The following NAA60 variants were observed in gnomAD, a reference collection of about 807,000 sequenced individuals.
NAA60 encodes N-alpha-acetyltransferase 60, NatF catalytic subunit, also known as N-alpha-acetyltransferase 60.
Under a neutral mutation model 26.1 loss-of-function variants are expected in NAA60, and 8 were observed. That is an observed-to-expected ratio of 0.31 (90% CI 0.18 to 0.55). NAA60 has a LOEUF of 0.55. Ranked by LOEUF, NAA60 falls within the 20% of genes least tolerant of loss-of-function variation. NAA60 has a pLI of 0.93. For missense variants in NAA60, 290 were observed against 311.3 expected (o/e 0.93, Z 0.51); for synonymous variants, 131 against 122.5 (o/e 1.07, Z -0.46).
At chr16:3,464,264 C>G (rs989867424) in intron 2 of NAA60, among the ~76,000 whole-genome samples, 3 of 152,214 alleles carry the variant, frequency 2.0e-5, no homozygotes, top group Admixed American at 6.5e-5. Context: ...CTGCCTGCCT[C>G]GGCCTCCCAA....
chr16:3,468,581 C>T (rs565981052), intron 2 of NAA60, among the ~76,000 whole-genome samples: 8 of 152,282 alleles, frequency 5.3e-5, no homozygotes, highest in South Asian at 2.1e-4. Context: ...CTCAGGAGCA[C>T]GGAGTTGGGG....
intron 2 of NAA60, among the ~76,000 whole-genome samples, chr16:3,460,937 A>C (rs921506386): frequency 6.6e-6 from 1 of 152,114 alleles, no homozygotes; most frequent in African/African-American, 2.4e-5. Flanking sequence ...ATATGTATGT[A>C]TGTATATATG....
At chr16:3,468,996 G>T (rs891519169) in intron 2 of NAA60, among the ~76,000 whole-genome samples, 1 of 151,190 alleles carries the variant, frequency 6.6e-6, no homozygotes, top group African/African-American at 2.4e-5. Flanking sequence ...TGCGGCGTGA[G>T]AATCGCTTGA....
At chr16:3,450,041 AAAAGAAG>A (rs1567361773) in intron 2 of NAA60, 2 of 397,462 alleles carry the variant, frequency 5.0e-6, no homozygotes, top group African/African-American at 2.1e-5. Context: ...AAAAAAAGAG[AAAAGAAG>A]AAGAAGGAAC....
chr16:3,457,597 A>G (rs1489408267), intron 2 of NAA60, among the ~76,000 whole-genome samples: 1 of 152,192 alleles, frequency 6.6e-6, no homozygotes, highest in African/African-American at 2.4e-5. Context: ...TGGTGCTGCC[A>G]GCTGGCTCCG....
chr16:3,467,327 C>T (rs776459565), intron 2 of NAA60, among the ~76,000 whole-genome samples: 7 of 151,700 alleles, frequency 4.6e-5, no homozygotes, highest in Non-Finnish European at 5.9e-5. Context: ...GAGCTGTGGG[C>T]GGGAAGAGAG....
chr16:3,478,002 T>A, intron 3 of NAA60, among the ~76,000 whole-genome samples: 1 of 151,666 alleles, frequency 6.6e-6, no homozygotes, highest in Non-Finnish European at 1.5e-5. Flanking sequence ...GTGGCAGAAG[T>A]TGCAGTGAGC....
At chr16:3,449,154 C>G (rs1455502656) in intron 2 of NAA60, among the ~76,000 whole-genome samples, 1 of 151,828 alleles carries the variant, frequency 6.6e-6, no homozygotes, top group Non-Finnish European at 1.5e-5. Context: ...GGGTAGATCT[C>G]TGGAGGTCAG....
chr16:3,481,597 A>C (rs1327891604), intron 4 of NAA60, among the ~76,000 whole-genome samples: 2 of 152,172 alleles, frequency 1.3e-5, no homozygotes. Context: ...CCCGGCTCTC[A>C]GTAGAGGGCC....
chr16:3,468,998 A>G (rs2035944308), intron 2 of NAA60, among the ~76,000 whole-genome samples: 1 of 151,810 alleles, frequency 6.6e-6, no homozygotes. Flanking sequence ...CGGCGTGAGA[A>G]TCGCTTGAAC....
At chr16:3,484,118 A>G (rs1049254773) in intron 6 of NAA60, among the ~76,000 whole-genome samples, 2 of 152,190 alleles carry the variant, frequency 1.3e-5, no homozygotes, top group African/African-American at 4.8e-5. Flanking sequence ...CTGACAGGTC[A>G]GAGGGAAGCC....
intron 2 of NAA60, among the ~76,000 whole-genome samples, chr16:3,456,442 C>CTTT (rs577299558): frequency 0.083 from 12,213 of 147,624 alleles, 675 homozygotes; most frequent in South Asian, 0.18. Context: ...GAGCAATTTC[C>CTTT]TTTTTTTTTT....
At chr16:3,470,644 C>CA (rs1190445377) in intron 2 of NAA60, among the ~76,000 whole-genome samples, 1 of 151,064 alleles carries the variant, frequency 6.6e-6, no homozygotes, top group African/African-American at 2.4e-5. Flanking sequence ...GAAGAGGGAG[C>CA]AACGGCAGGG....
chr16:3,469,564 A>G (rs2035993006), intron 2 of NAA60, among the ~76,000 whole-genome samples: 1 of 121,500 alleles, frequency 8.2e-6, no homozygotes, highest in Non-Finnish European at 1.8e-5. Flanking sequence ...CAGAGCAGAG[A>G]GCACCTGCCT....
At chr16:3,450,837 G>GTCTC (rs1191942846) in intron 2 of NAA60, among the ~76,000 whole-genome samples, 1 of 152,162 alleles carries the variant, frequency 6.6e-6, no homozygotes, top group Non-Finnish European at 1.5e-5. Context: ...AGTGGAGAGA[G>GTCTC]GCATCATTCT....
upstream of NAA60, chr16:3,443,674 C>T: frequency 7.3e-7 from 1 of 1,379,202 alleles, no homozygotes; most frequent in East Asian, 2.7e-5. Flanking sequence ...CTCTAAGCAA[C>T]CATTTCCGCT....
chr16:3,459,375 A>G (rs2035225015), intron 2 of NAA60, among the ~76,000 whole-genome samples: 1 of 152,226 alleles, frequency 6.6e-6, no homozygotes, highest in Admixed American at 6.5e-5. Context: ...ACATCTTTGA[A>G]TTAAAAAGCA....
At chr16:3,450,698 TCAAAAAAAAAAAAA>T (rs1217505338) in intron 2 of NAA60, among the ~76,000 whole-genome samples, 7 of 51,082 alleles carry the variant, frequency 1.4e-4, no homozygotes, top group African/African-American at 8.0e-4. Flanking sequence ...AGACTCCGTC[TCAAAAAAAAAAAAA>T]AAAAAAAAAA....
At chr16:3,465,502 C>T (rs1004598273) in intron 2 of NAA60, among the ~76,000 whole-genome samples, 1 of 152,156 alleles carries the variant, frequency 6.6e-6, no homozygotes, top group African/African-American at 2.4e-5. Flanking sequence ...CTGCCCCCAC[C>T]ACAATCCAGC....
Sources: allele counts gnomAD v4.1 joint callset (sites outside exome capture counted in the v4.1 genomes callset), GRCh38; gene constraint gnomAD v4.1.1; transcripts MANE v1.5; gene names NCBI Gene and HGNC (gene_info 2026-07-23, HGNC 2026-07-21).